RXRA: variants seen among roughly 807,000 people sequenced by gnomAD.
RXRA encodes retinoid X receptor alpha.
A neutral mutation model predicts 44.5 loss-of-function variants in RXRA; 5 were observed. That is an observed-to-expected ratio of 0.11 (90% confidence interval 0.06 to 0.24). The LOEUF (loss-of-function observed/expected upper bound fraction) is 0.24. RXRA is among the 10% of genes least tolerant of loss of function. The probability of loss-of-function intolerance (pLI) is 1.00; values close to 1 mark genes in which losing one functional copy is unlikely to be tolerated. For missense variants in RXRA, 412 were observed against 646.5 expected (o/e 0.64, Z 3.93); for synonymous variants, 291 against 271.4 (o/e 1.07, Z -0.71).
At chr9:134,430,687 A>G (rs1264978852) in intron 7 of RXRA, among the ~76,000 whole-genome samples, 1 of 152,160 alleles carries the variant, frequency 6.6e-6, no homozygotes, top group African/African-American at 2.4e-5. Flanking sequence ...TATTGCCCAC[A>G]GAAGCTTCTT....
rs1464082505 is a variant in RXRA at position 134,401,537 on chromosome 9, G to A, written c.29-95G>A. 1.4e-5 allele frequency: 22 copies of A among 1,580,402 alleles called. No individual in the cohort carries two copies. The Admixed American group carries it at 2.4e-4, about 17-fold the overall frequency. On this transcript the variant is annotated intron_variant, in intron 1 of 9. Coordinates refer to ENST00000481739, the MANE Select transcript of RXRA (RefSeq NM_002957.6). ...ACCTTGAGGGTGCCGGGGTCTTCCC[G>A]CAGGTGCGTGCATCTGTAGCTGGGG...
At chr9:134,347,542 C>T (rs1012662797) in intron 1 of RXRA, among the ~76,000 whole-genome samples, 4 of 152,198 alleles carry the variant, frequency 2.6e-5, no homozygotes, top group African/African-American at 4.8e-5. Context: ...CACCCCTGTC[C>T]GGAGGAGCAC....
At position 134,375,974 on chromosome 9, in the gene RXRA, C is replaced by A. The variant is rs964002351; in HGVS notation, c.29-25658C>A. On this transcript the variant is annotated intron_variant, in intron 1 of 9. Transcript: ENST00000481739. ...TCCCTCTCTCTCTCTGCTTCCCCCC[C>A]ACCCCACCCCGCCAGGCTCGCAGCC... Among the ~76,000 whole-genome samples the A allele has an allele frequency of 2.7e-5, 4 of 150,100 alleles. No individual in the cohort carries two copies. In the South Asian group the frequency reaches 6.4e-4, roughly 24 times the overall value.
intron 7 of RXRA, 32 bp downstream of exon 7, chr9:134,429,272 T>C (rs1456394637): frequency 6.2e-7 from 1 of 1,600,456 alleles, no homozygotes; most frequent in Non-Finnish European, 8.5e-7. Flanking sequence ...GCGAGGGCGC[T>C]TCGGTCACCT....
intron 6 of RXRA, chr9:134,425,124 C>T (rs1725974971): frequency 6.1e-6 from 6 of 985,168 alleles, no homozygotes; most frequent in African/African-American, 1.7e-5. Flanking sequence ...ACCTGTGGCT[C>T]GCGGTGACAC....
chr9:134,405,274 G>A, intron 2 of RXRA: 1 of 152,394 alleles, frequency 6.6e-6, no homozygotes, highest in Non-Finnish European at 1.5e-5. Flanking sequence ...CTCCAGGTGA[G>A]CCCAAAGAAG....
intron 1 of RXRA, among the ~76,000 whole-genome samples, chr9:134,353,932 A>T (rs1554749783): frequency 6.6e-6 from 1 of 152,126 alleles, no homozygotes; most frequent in South Asian, 2.1e-4. Context: ...GCTGGTGGTG[A>T]TGGGACTGTG....
rs553723199 is a variant in RXRA at position 134,336,189 on chromosome 9, G to A, written c.28+9530G>A. Among the ~76,000 whole-genome samples, 5 of 152,296 alleles carry A rather than the reference G, an allele frequency of 3.3e-5. No homozygotes were observed. In the East Asian group the frequency reaches 5.8e-4, roughly 18 times the overall value. ...GCAGGCAGCACCACCGCACCATCCC[G>A]GGCCCAGTGGAGGGGTGAGGACTGG... On this transcript the variant is annotated intron_variant, in intron 1 of 9. Coordinates refer to ENST00000481739, the MANE Select transcript of RXRA (RefSeq NM_002957.6).
intron 8 of RXRA, 70 bp downstream of exon 8, chr9:134,432,066 T>G: frequency 8.2e-7 from 1 of 1,215,738 alleles, no homozygotes. Flanking sequence ...GGCCTCCTCC[T>G]GGCTGTACTT....
chr9:134,430,002 C>T (rs1479413035), intron 7 of RXRA, among the ~76,000 whole-genome samples: 1 of 152,158 alleles, frequency 6.6e-6, no homozygotes, highest in East Asian at 1.9e-4. Context: ...TCTCCTGCCT[C>T]AGCCTCCCGA....
At chr9:134,340,238 C>T (rs1330456439) in intron 1 of RXRA, among the ~76,000 whole-genome samples, 1 of 152,210 alleles carries the variant, frequency 6.6e-6, no homozygotes, top group Non-Finnish European at 1.5e-5. Flanking sequence ...CGGCTCCCTC[C>T]TTAGCTAAGG....
At chr9:134,352,139 C>G (rs1429349182) in intron 1 of RXRA, among the ~76,000 whole-genome samples, 2 of 152,070 alleles carry the variant, frequency 1.3e-5, no homozygotes, top group Non-Finnish European at 2.9e-5. Context: ...GGGGAGGGTT[C>G]TGGGCATGGG....
At chr9:134,334,917 G>A (rs1367404501) in intron 1 of RXRA, among the ~76,000 whole-genome samples, 3 of 152,352 alleles carry the variant, frequency 2.0e-5, no homozygotes, top group African/African-American at 7.2e-5. Context: ...AGCGCTTTCG[G>A]GATGTGCAGC....
chr9:134,398,637 G>A (rs1006994220), intron 1 of RXRA, among the ~76,000 whole-genome samples: 1 of 152,164 alleles, frequency 6.6e-6, no homozygotes, highest in Admixed American at 6.5e-5. Context: ...AAACCCTCCA[G>A]TCCCCTCCTC....
At chr9:134,429,933 T>G (rs926192722) in intron 7 of RXRA, among the ~76,000 whole-genome samples, 4 of 152,056 alleles carry the variant, frequency 2.6e-5, no homozygotes, top group African/African-American at 9.7e-5. Flanking sequence ...TCGCCCAGGC[T>G]AGATTGCAGT....
At chr9:134,350,074 G>GTT (rs1225946091) in intron 1 of RXRA, among the ~76,000 whole-genome samples, 1 of 151,342 alleles carries the variant, frequency 6.6e-6, no homozygotes, top group African/African-American at 2.4e-5. Context: ...GTGTGTGTGT[G>GTT]TAGGGGGGGG....
At chr9:134,332,668 C>G (rs1208815473) in intron 1 of RXRA, among the ~76,000 whole-genome samples, 1 of 152,088 alleles carries the variant, frequency 6.6e-6, no homozygotes, top group East Asian at 1.9e-4. Context: ...GGCCTGTGTG[C>G]CGGGCGTAGG....
chr9:134,408,141 C>A lies in RXRA; in HGVS notation c.280-8C>A. On this transcript the variant is annotated splice_polypyrimidine_tract_variant and splice_region_variant and intron_variant, in intron 2 of 9. Coordinates refer to ENST00000481739, the MANE Select transcript of RXRA (RefSeq NM_002957.6). ...CACCCCGCTGACTGCTGTGGTTGCC[C>A]CCCCCAGCTCAGCTCACCTATGAAC... The A allele has an allele frequency of 6.5e-7, 1 of 1,532,902 alleles. No individual in the cohort carries two copies. Among genetic ancestry groups the A allele is most frequent in the Non-Finnish European group, 8.8e-7 (1 of 1,142,776 alleles). 95.0% of individuals were successfully genotyped at this position (1,532,902 alleles called of 1,614,324 possible).
chr9:134,331,660 G>A (rs1835008440), intron 1 of RXRA, among the ~76,000 whole-genome samples: 1 of 152,358 alleles, frequency 6.6e-6, no homozygotes, highest in South Asian at 2.1e-4. Context: ...GCGTGCCAGG[G>A]ACTTTATTTT....
Sources: allele counts gnomAD v4.1 joint callset (sites outside exome capture counted in the v4.1 genomes callset), GRCh38; gene constraint gnomAD v4.1.1; transcripts MANE v1.5; gene names NCBI Gene and HGNC (gene_info 2026-07-23, HGNC 2026-07-21).